The following SLFN12L variants were observed in gnomAD, a reference collection of about 807,000 sequenced individuals.
SLFN12L encodes schlafen family member 12 like.
Under a neutral mutation model 34.8 loss-of-function variants are expected in SLFN12L, and 34 were observed. The observed-to-expected ratio is 0.98, with a 90% CI of 0.74 to 1.30. The LOEUF (loss-of-function observed/expected upper bound fraction) is 1.30. SLFN12L is among the 50% of genes most tolerant of loss of function. The probability of loss-of-function intolerance (pLI) is 0.00; values close to 1 mark genes in which losing one functional copy is unlikely to be tolerated. For missense variants in SLFN12L, 703 were observed against 696.2 expected (o/e 1.01, Z -0.11); for synonymous variants, 259 against 247.5 (o/e 1.05, Z -0.44).
chr17:35,513,660 C>A (rs1462150212), intron 2 of SLFN12L, among the ~76,000 whole-genome samples: 3 of 152,184 alleles, frequency 2.0e-5, no homozygotes, highest in Non-Finnish European at 4.4e-5. Flanking sequence ...CCTCTCCATT[C>A]TTTTCAGGTC....
intron 2 of SLFN12L, chr17:35,500,443 G>C (rs1915250775): frequency 6.6e-6 from 1 of 152,318 alleles, no homozygotes; most frequent in Admixed American, 6.5e-5. Flanking sequence ...ATCCACCCCT[G>C]ACCTGGCCAG....
In SLFN12L at chr17:35,467,695, T is replaced by A. The variant is rs1277792121; in HGVS notation, c.*7228A>T. 3.3e-5 allele frequency among the ~76,000 whole-genome samples: 5 copies of A among 150,384 alleles called. No individual in the cohort carries two copies. Among genetic ancestry groups the A allele is most frequent in the Non-Finnish European group, 5.9e-5 (4 of 67,412 alleles). On this transcript the variant is annotated 3_prime_UTR_variant, in exon 5 of 5. Coordinates refer to ENST00000628453, the MANE Select transcript of SLFN12L (RefSeq NM_001363830.2). ...GATTTTCAATATCAAACCCCCCCCA[T>A]CAGGAGGCCACAGCAGGTGTGTATA...
In SLFN12L at chr17:35,479,120, G is replaced by A. The variant is rs1397741309; in HGVS notation, c.1162C>T (p.Pro388Ser). The A allele has an allele frequency of 1.3e-6, 2 of 1,554,082 alleles. No homozygotes were observed. The highest frequency in any genetic ancestry group is 2.4e-5 in the East Asian group (1 of 41,972). The change falls in exon 3 of 5, where the codon CCA becomes TCA. Residue 388 changes from proline (P) to serine (S), a missense_variant. By Grantham distance (74) the Pro-to-Ser change is moderately conservative. Coordinates refer to ENST00000628453, the MANE Select transcript of SLFN12L (RefSeq NM_001363830.2). ...EWIQFMVDSE[P>S]VCEELPSPAS... The stretch of plus-strand genomic sequence containing the variant: ...TTGCCAATCCTCCTTCCTCAACCTG[G>A]TTCTGAATCCACCATGAACTGGATC...
intron 2 of SLFN12L, among the ~76,000 whole-genome samples, chr17:35,506,257 A>AT (rs1312196979): frequency 6.6e-6 from 1 of 152,236 alleles, no homozygotes; most frequent in Non-Finnish European, 1.5e-5. Flanking sequence ...AGTTAGAAAC[A>AT]TGATGTGGTT....
At chr17:35,500,970 G>T (rs1915275115) in intron 2 of SLFN12L, among the ~76,000 whole-genome samples, 1 of 152,184 alleles carries the variant, frequency 6.6e-6, no homozygotes. Flanking sequence ...GGGGAGCTCG[G>T]TTTTTGGAGA....
chr17:35,532,766 G>A (rs1044224787), intron 1 of SLFN12L, among the ~76,000 whole-genome samples: 3 of 152,028 alleles, frequency 2.0e-5, no homozygotes, highest in African/African-American at 7.2e-5. Context: ...GATGGCAGGT[G>A]CCTGTAATCC....
chr17:35,521,488 C>G (rs1915994888), intron 2 of SLFN12L, among the ~76,000 whole-genome samples: 1 of 152,106 alleles, frequency 6.6e-6, no homozygotes, highest in African/African-American at 2.4e-5. Context: ...TTTACCATGG[C>G]TGGGTGGATT....
In SLFN12L at chr17:35,536,896, CTGGGTACGG is replaced by C. The variant is rs554326440; in HGVS notation, c.-606+668_-606+676del. ...TGCTAAAGAATCTTCACAGGCGAGG[CTGGGTACGG>C]TGGCTAATGTCTATAATCCCAGCAC... On this transcript the variant is annotated intron_variant, in intron 1 of 4. Coordinates refer to ENST00000628453, the MANE Select transcript of SLFN12L (RefSeq NM_001363830.2). Among the ~76,000 whole-genome samples the C allele has an allele frequency of 5.9e-5, 9 of 151,420 alleles. No individual in the cohort carries two copies. In the South Asian group the frequency reaches 1.7e-3, roughly 28 times the overall value.
chr17:35,479,882 T>A lies in SLFN12L; in HGVS notation c.400A>T (p.Asn134Tyr), dbSNP rs1451044171. 3 of 1,610,762 alleles carry A rather than the reference T, an allele frequency of 1.9e-6. No individual in the cohort carries two copies. Among genetic ancestry groups the A allele is most frequent in the African/African-American group, 2.7e-5 (2 of 74,738 alleles). ...CCATTCTGCATGAAGTCCAGGAAAT[T>A]AGGAACAAATGGCAGCATGTTACTA... Reference protein sequence around the residue: ...SFSNMLPFVPNFLDFMQNGNY... With the variant: ...SFSNMLPFVPYFLDFMQNGNY... Residue 134 changes from asparagine (N) to tyrosine (Y), a missense_variant, in exon 3 of 5, where the codon AAT becomes TAT. Coordinates refer to ENST00000628453, the MANE Select transcript of SLFN12L (RefSeq NM_001363830.2).
intron 2 of SLFN12L, among the ~76,000 whole-genome samples, chr17:35,497,747 T>G (rs999094709): frequency 1.3e-5 from 2 of 152,188 alleles, no homozygotes; most frequent in Non-Finnish European, 2.9e-5. Flanking sequence ...GGGAGAAGAT[T>G]CAAAAGCATT....
Position 35,466,818 on chromosome 17 carries a change from T to G in SLFN12L, c.*8105A>C, listed in dbSNP as rs1280812358. On this transcript the variant is annotated 3_prime_UTR_variant, in exon 5 of 5. Transcript: ENST00000628453. ...TAGACCACCTGTGATGGCTACGAAT[T>G]GCCTGAGGGCTCTCAGCCTCATGCT... is the stretch of plus-strand genomic sequence containing the variant. 6.6e-6 allele frequency among the ~76,000 whole-genome samples: 1 copy of G among 152,224 alleles called. No homozygotes were observed. Among genetic ancestry groups the G allele is most frequent in the Non-Finnish European group, 1.5e-5 (1 of 68,034 alleles).
In SLFN12L at chr17:35,512,215, C is replaced by T. The variant is rs28435904; in HGVS notation, c.86+10064G>A. On this transcript the variant is annotated intron_variant, in intron 2 of 4. Transcript: ENST00000628453. ...TGTCGCCCAGGCTGGAGTGCAGTGG[C>T]GTGGTCTCAGCTCACTGCAAGCTCC... Among the ~76,000 whole-genome samples, 768 of 122,714 alleles carry T rather than the reference C, an allele frequency of 6.3e-3. 9 individuals are homozygous for T. Among genetic ancestry groups the T allele is most frequent in the African/African-American group, 0.024 (740 of 30,990 alleles). The allele number at this position is 122,714 out of a possible 152,430, so 80.5% of individuals were successfully genotyped here.
At chr17:35,498,049 ACAGAGCGGCCGCC>A (rs1183694448) in intron 2 of SLFN12L, among the ~76,000 whole-genome samples, 8 of 152,142 alleles carry the variant, frequency 5.3e-5, no homozygotes, top group African/African-American at 9.7e-5. Context: ...ATAAAGAGTC[ACAGAGCGGCCGCC>A]CAGAGCGGCG....
chr17:35,481,308 T>C (rs1597834969), intron 2 of SLFN12L, among the ~76,000 whole-genome samples: 1 of 152,330 alleles, frequency 6.6e-6, no homozygotes, highest in South Asian at 2.1e-4. Flanking sequence ...GTGGAAGGCC[T>C]GACATCAGTC....
chr17:35,497,582 C>T (rs1915135692), intron 2 of SLFN12L, among the ~76,000 whole-genome samples: 1 of 152,146 alleles, frequency 6.6e-6, no homozygotes, highest in Non-Finnish European at 1.5e-5. Context: ...GCCACGTTTA[C>T]ATTCTCATAC....
chr17:35,473,455 A>G lies in SLFN12L; in HGVS notation c.*1468T>C, dbSNP rs965484905. Reference sequence around the variant, plus strand: ...TCTGTTTATGTGATGAATTACATTTATTGATTTGTGTTTGTTGAATCAGCC... The same window carrying G: ...TCTGTTTATGTGATGAATTACATTTGTTGATTTGTGTTTGTTGAATCAGCC... On this transcript the variant is annotated 3_prime_UTR_variant, in exon 5 of 5. Transcript: ENST00000628453. 6.6e-6 allele frequency among the ~76,000 whole-genome samples: 1 copy of G among 152,316 alleles called. No homozygotes were observed. The highest frequency in any genetic ancestry group is 2.4e-5 in the African/African-American group (1 of 41,574).
intron 2 of SLFN12L, among the ~76,000 whole-genome samples, chr17:35,519,856 C>T (rs2142166847): frequency 6.6e-6 from 1 of 152,238 alleles, no homozygotes; most frequent in South Asian, 2.1e-4. Context: ...CCTCTCTTGG[C>T]CAAGGGGACC....
chr17:35,528,102 T>C (rs2072355869), intron 1 of SLFN12L, among the ~76,000 whole-genome samples: 2 of 152,298 alleles, frequency 1.3e-5, no homozygotes, highest in South Asian at 4.1e-4. Context: ...CATTCACAAT[T>C]GCTACAAAGA....
chr17:35,522,431 G>A lies in SLFN12L; in HGVS notation c.-67C>T, dbSNP rs183585001. On this transcript the variant is annotated 5_prime_UTR_variant, in exon 2 of 5. Coordinates refer to ENST00000628453, the MANE Select transcript of SLFN12L (RefSeq NM_001363830.2). ...CATGGACAAACAATTCTCTGTTCTT[G>A]TGGAAGCTTCTGGAGAATATCTCAT... 31 of 1,614,132 alleles carry A rather than the reference G, an allele frequency of 1.9e-5. No individual in the cohort carries two copies. The highest frequency in any genetic ancestry group is 1.4e-5 in the Non-Finnish European group (16 of 1,180,016).
Sources: gnomAD v4.1 joint callset for allele counts (sites outside exome capture counted in the v4.1 genomes callset) on GRCh38, gnomAD v4.1.1 for gene constraint, MANE v1.5 for transcripts, NCBI Gene and HGNC (gene_info 2026-07-23, HGNC 2026-07-21) for gene names.